RBFOX1: variants seen among roughly 807,000 people sequenced by gnomAD.
RBFOX1 encodes RNA binding fox-1 homolog 1, also known as RNA binding protein fox-1 homolog 1.
RBFOX1 carries 8 observed loss-of-function variants against 57.7 expected under a neutral mutation model. The observed-to-expected ratio is 0.14, with a 90% CI of 0.08 to 0.25. The LOEUF is 0.25. Ranked by LOEUF, RBFOX1 falls within the 10% of genes least tolerant of loss-of-function variation. The pLI, the probability that RBFOX1 is intolerant of heterozygous loss-of-function variation, is 1.00. For synonymous variants in RBFOX1, 326 were observed against 222.4 expected, an observed-to-expected ratio of 1.47 and a Z score of -4.15; for missense variants, 611 against 548.5, an observed-to-expected ratio of 1.11 and a Z score of -1.14.
chr16:6,556,193 G>A (rs1018467149), intron 2 of RBFOX1, among the ~76,000 whole-genome samples: 3 of 152,100 alleles, frequency 2.0e-5, no homozygotes, highest in African/African-American at 4.8e-5. Context: ...TTGACTTCCC[G>A]CTGTAGGAAT....
intron 4 of RBFOX1, among the ~76,000 whole-genome samples, chr16:7,096,759 C>T (rs147782378): frequency 6.6e-6 from 1 of 151,862 alleles, no homozygotes; most frequent in Non-Finnish European, 1.5e-5. Context: ...TGGTGAAAAT[C>T]TATCTCTAGT....
intron 4 of RBFOX1, among the ~76,000 whole-genome samples, chr16:5,932,664 T>C (rs1021313148): frequency 2.0e-5 from 3 of 152,140 alleles, no homozygotes; most frequent in Admixed American, 2.0e-4. Context: ...TAAAATTAGG[T>C]CAGTTTCATC....
At chr16:7,504,803 T>TATA (rs2072648479) in intron 4 of RBFOX1, among the ~76,000 whole-genome samples, 10 of 66,828 alleles carry the variant, frequency 1.5e-4, no homozygotes, top group African/African-American at 7.5e-4. Context: ...ATATATATAT[T>TATA]TATATATATA....
chr16:7,003,277 G>C (rs182535130), intron 3 of RBFOX1, among the ~76,000 whole-genome samples: 1 of 151,720 alleles, frequency 6.6e-6, no homozygotes, highest in South Asian at 2.1e-4. Flanking sequence ...TGGCCAACAT[G>C]GTGAAACCCC....
intron 3 of RBFOX1, among the ~76,000 whole-genome samples, chr16:5,806,114 A>G (rs1393409400): frequency 1.3e-5 from 2 of 152,152 alleles, no homozygotes; most frequent in African/African-American, 4.8e-5. Flanking sequence ...TCATGTCTTT[A>G]CTAGCAGACC....
chr16:7,566,159 C>CA (rs1555610685), intron 5 of RBFOX1, among the ~76,000 whole-genome samples: 1 of 152,096 alleles, frequency 6.6e-6, no homozygotes, highest in Non-Finnish European at 1.5e-5. Flanking sequence ...AGTGTTTATC[C>CA]ATAGGATGCT....
chr16:7,074,305 C>A (rs544144369), intron 4 of RBFOX1, among the ~76,000 whole-genome samples: 4 of 152,242 alleles, frequency 2.6e-5, no homozygotes, highest in African/African-American at 9.6e-5. Context: ...CGAATGAAAA[C>A]CATAAGCAAG....
chr16:7,280,044 G>A (rs562055074), intron 4 of RBFOX1, among the ~76,000 whole-genome samples: 2 of 152,170 alleles, frequency 1.3e-5, no homozygotes, highest in Non-Finnish European at 2.9e-5. Flanking sequence ...TTTGGTTCCC[G>A]CTGCGATTGG....
At chr16:6,894,763 C>A (rs972658867) in intron 3 of RBFOX1, among the ~76,000 whole-genome samples, 1 of 152,000 alleles carries the variant, frequency 6.6e-6, no homozygotes, top group African/African-American at 2.4e-5. Context: ...TCATTTTTTT[C>A]TATTATCTTA....
At chr16:5,890,092 T>C (rs2058010954) in intron 4 of RBFOX1, among the ~76,000 whole-genome samples, 1 of 152,164 alleles carries the variant, frequency 6.6e-6, no homozygotes, top group Admixed American at 6.5e-5. Flanking sequence ...TGCCAGATCT[T>C]GGGTAAACTG....
intron 2 of RBFOX1, among the ~76,000 whole-genome samples, chr16:6,637,635 C>T (rs192587953): frequency 1.4e-5 from 2 of 139,342 alleles, no homozygotes; most frequent in Admixed American, 7.6e-5. Context: ...GGTTGAAACT[C>T]TAAAGTACTC....
intron 4 of RBFOX1, among the ~76,000 whole-genome samples, chr16:5,910,018 A>T (rs2058568976): frequency 6.6e-6 from 1 of 151,998 alleles, no homozygotes; most frequent in Non-Finnish European, 1.5e-5. Context: ...GTGCCACTAT[A>T]CTCCAGCCTT....
intron 4 of RBFOX1, among the ~76,000 whole-genome samples, chr16:7,446,509 A>G (rs182051589): frequency 1.3e-5 from 2 of 152,322 alleles, no homozygotes; most frequent in East Asian, 3.9e-4. Flanking sequence ...AGGTTGGAAG[A>G]AGCAAGAAGG....
chr16:7,677,656 G>A (rs1399234654), intron 14 of RBFOX1, among the ~76,000 whole-genome samples: 2 of 152,120 alleles, frequency 1.3e-5, no homozygotes, highest in Non-Finnish European at 2.9e-5. Context: ...CAACTCCTTG[G>A]CTCTGTTTTC....
intron 4 of RBFOX1, among the ~76,000 whole-genome samples, chr16:7,210,006 A>G (rs900448148): frequency 6.6e-6 from 1 of 152,190 alleles, no homozygotes; most frequent in Non-Finnish European, 1.5e-5. Flanking sequence ...GCCTCTAAAA[A>G]TGATCATTCT....
At chr16:6,650,349 G>A (rs1412714138) in intron 2 of RBFOX1, among the ~76,000 whole-genome samples, 2 of 151,992 alleles carry the variant, frequency 1.3e-5, no homozygotes, top group Non-Finnish European at 2.9e-5. Context: ...TGAAACCTGT[G>A]GATAAATTAT....
chr16:6,574,177 G>A (rs1043917571), intron 2 of RBFOX1, among the ~76,000 whole-genome samples: 2 of 152,086 alleles, frequency 1.3e-5, no homozygotes, highest in Non-Finnish European at 2.9e-5. Context: ...TGGTGGGACC[G>A]TGGGTGAGTC....
At chr16:7,057,133 G>C (rs1374718384) in intron 4 of RBFOX1, among the ~76,000 whole-genome samples, 1 of 151,758 alleles carries the variant, frequency 6.6e-6, no homozygotes, top group African/African-American at 2.4e-5. Context: ...AGAAATACCA[G>C]GCATGAGAAT....
chr16:7,203,762 C>G (rs528276965), intron 4 of RBFOX1, among the ~76,000 whole-genome samples: 2 of 152,102 alleles, frequency 1.3e-5, no homozygotes, highest in African/African-American at 2.4e-5. Context: ...GACTCTTTCT[C>G]GAAATCTCCT....
Sources: gnomAD v4.1 joint callset for allele counts (sites outside exome capture counted in the v4.1 genomes callset) on GRCh38, gnomAD v4.1.1 for gene constraint, MANE v1.5 for transcripts, NCBI Gene and HGNC (gene_info 2026-07-23, HGNC 2026-07-21) for gene names.